Variants in TENM2 observed in about 807,000 individuals in gnomAD.
The protein encoded by TENM2 is teneurin transmembrane protein 2, also known as teneurin-2.
TENM2 carries 52 observed loss-of-function variants against 245.2 expected under a neutral mutation model. The ratio of observed to expected loss-of-function variants is 0.21; its 90% CI spans 0.17 to 0.27. The LOEUF is 0.27. Among genes scored for constraint, TENM2 ranks in the 10% least tolerant of loss-of-function variants. The pLI, the probability that TENM2 is intolerant of heterozygous loss-of-function variation, is 1.00. For synonymous variants in TENM2, 1,363 were observed against 1,438.9 expected (o/e 0.95, Z 1.19); for missense variants, 3,046 against 3,666.8 (o/e 0.83, Z 4.37).
intron 1 of TENM2, among the ~76,000 whole-genome samples, chr5:167,321,781 G>GTTTT (rs1554133753): frequency 2.6e-5 from 1 of 38,722 alleles, no homozygotes; most frequent in Non-Finnish European, 4.9e-5. Flanking sequence ...TGCTGCCTTG[G>GTTTT]CTTATTTTTT....
the TENM2 span, chr5:167,165,052 A>G: frequency 6.6e-6 from 1 of 152,198 alleles, no homozygotes; most frequent in African/African-American, 2.4e-5. Flanking sequence ...TCTCTTTACA[A>G]TGTATGCTCT....
At chr5:167,270,332 A>T in the TENM2 span, among the ~76,000 whole-genome samples, 2 of 152,160 alleles carry the variant, frequency 1.3e-5, no homozygotes, top group South Asian at 2.1e-4. Context: ...TGGTAGTAGT[A>T]ATAATTGACA....
the TENM2 span, among the ~76,000 whole-genome samples, chr5:166,996,857 T>C: frequency 6.6e-6 from 1 of 152,236 alleles, no homozygotes; most frequent in African/African-American, 2.4e-5. Flanking sequence ...GATTTGAATT[T>C]AACTTTCCAT....
At position 167,561,895 on chromosome 5, in the gene TENM2, A is replaced by G. The variant is rs117172948; in HGVS notation, c.502+186422A>G. ...TGTATACATTAGAACCGTAAAAATAAAAAGAGAGACAGAGAGACAGAGTCC... is the reference window on the plus strand; with the variant it reads ...TGTATACATTAGAACCGTAAAAATAGAAAGAGAGACAGAGAGACAGAGTCC... On this transcript the variant is annotated intron_variant, in intron 2 of 28. Transcript: ENST00000518659. Among the ~76,000 whole-genome samples, 24 of 152,338 alleles carry G rather than the reference A, an allele frequency of 1.6e-4. No individual in the cohort carries two copies. The East Asian group carries it at 4.6e-3, about 29-fold the overall frequency.
chr5:168,085,610 C>T (rs62383401), intron 7 of TENM2: 23,889 of 152,326 alleles, frequency 0.16, 2,385 homozygotes, highest in South Asian at 0.26. Flanking sequence ...CATTCCTCCC[C>T]CTTCCCTGAG....
At position 167,933,726 on chromosome 5, in the gene TENM2, G is replaced by A. The variant is rs555637527; in HGVS notation, c.713-18862G>A. 5.3e-5 allele frequency among the ~76,000 whole-genome samples: 8 copies of A among 152,070 alleles called. 1 individual carries two copies. The East Asian group carries it at 7.7e-4, about 15-fold the overall frequency. On this transcript the variant is annotated intron_variant, in intron 3 of 28. Coordinates refer to ENST00000518659, the Ensembl canonical transcript of TENM2. Reference sequence around the variant, plus strand: ...CAACTAGAGTGAGGAGCCAGGGATGGGATGGCCTGGGCTGACAATGACTTC... The same window carrying A: ...CAACTAGAGTGAGGAGCCAGGGATGAGATGGCCTGGGCTGACAATGACTTC...
chr5:167,160,699 G>C, the TENM2 span, among the ~76,000 whole-genome samples: 1 of 151,942 alleles, frequency 6.6e-6, no homozygotes, highest in African/African-American at 2.4e-5. Flanking sequence ...TTCCTCTCTG[G>C]CACTTATCAA....
At chr5:166,989,253 T>C in the TENM2 span, among the ~76,000 whole-genome samples, 1 of 31,686 alleles carries the variant, frequency 3.2e-5, no homozygotes, top group Non-Finnish European at 5.7e-5. Flanking sequence ...CAAGCTAATC[T>C]TTTTTTTTTT....
intron 2 of TENM2, among the ~76,000 whole-genome samples, chr5:167,462,817 A>G (rs1229478654): frequency 1.3e-5 from 2 of 151,934 alleles, no homozygotes; most frequent in Non-Finnish European, 2.9e-5. Context: ...CAAAAACAGG[A>G]AGGCCTGTTC....
intron 5 of TENM2, among the ~76,000 whole-genome samples, chr5:168,010,646 T>G (rs1785150192): frequency 6.6e-6 from 1 of 152,214 alleles, no homozygotes; most frequent in African/African-American, 2.4e-5. Context: ...TTTTTGTAAG[T>G]AAATGATGAT....
chr5:167,863,156 G>A (rs1054439573), intron 2 of TENM2, among the ~76,000 whole-genome samples: 6 of 152,202 alleles, frequency 3.9e-5, no homozygotes, highest in Non-Finnish European at 7.3e-5. Context: ...AATAGTAACT[G>A]CTAGATGGTA....
At chr5:167,678,764 C>A (rs898333994) in intron 2 of TENM2, among the ~76,000 whole-genome samples, 1 of 152,076 alleles carries the variant, frequency 6.6e-6, no homozygotes, top group African/African-American at 2.4e-5. Context: ...ATTTTCTTGG[C>A]TGACTTTGTC....
At chr5:167,162,118 G>A in the TENM2 span, among the ~76,000 whole-genome samples, 1 of 150,828 alleles carries the variant, frequency 6.6e-6, no homozygotes, top group Non-Finnish European at 1.5e-5. Flanking sequence ...GCAGCTGTGA[G>A]CTGAGATCAC....
intron 2 of TENM2, among the ~76,000 whole-genome samples, chr5:167,800,143 A>G (rs1257466844): frequency 6.6e-6 from 1 of 152,236 alleles, no homozygotes; most frequent in African/African-American, 2.4e-5. Context: ...TTATCTGCAC[A>G]ATGTGCATGC....
chr5:167,662,011 G>T (rs1040660257), intron 2 of TENM2, among the ~76,000 whole-genome samples: 1 of 152,172 alleles, frequency 6.6e-6, no homozygotes, highest in African/African-American at 2.4e-5. Flanking sequence ...GGCCTGATTG[G>T]CCAGGTTTGG....
At chr5:168,203,719 C>A (rs766749454) in exon 18 of TENM2, 3 of 1,612,368 alleles carry the variant, frequency 1.9e-6, no homozygotes, top group Non-Finnish European at 1.7e-6. Context: ...GAGACCTGTC[C>A]CAGTCTAATT....
Position 168,062,044 on chromosome 5 carries a change from CT to C in TENM2, c.1310-4del, listed in dbSNP as rs11411759. 0.23 allele frequency: 329,728 copies of C among 1,447,708 alleles called. 17,924 individuals are homozygous for C. Among genetic ancestry groups the C allele is most frequent in the East Asian group, 0.41 (15,849 of 38,682 alleles). 89.7% of individuals were successfully genotyped at this position (1,447,708 alleles called of 1,614,324 possible). A position where few individuals can be genotyped will look rare whatever the true frequency, so the allele number is the denominator to read the frequency against. ...ACACGTCATTGACTGCTGTTTATTC[CT>C]TTTTTTTTTTTCAGTGCCCTGGTCG... On this transcript the variant is annotated splice_polypyrimidine_tract_variant and intron_variant, in intron 6 of 28. Coordinates refer to ENST00000518659, the Ensembl canonical transcript of TENM2.
At chr5:167,191,857 C>G in the TENM2 span, among the ~76,000 whole-genome samples, 1 of 151,940 alleles carries the variant, frequency 6.6e-6, no homozygotes, top group Non-Finnish European at 1.5e-5. Context: ...TTCTCTTACT[C>G]CAATAGTACT....
intron 4 of TENM2, among the ~76,000 whole-genome samples, chr5:167,989,696 T>G (rs1181215315): frequency 1.3e-5 from 2 of 151,900 alleles, no homozygotes; most frequent in Non-Finnish European, 2.9e-5. Flanking sequence ...ACGGGGTTGG[T>G]GGGTAAGGTT....
Sources: gnomAD v4.1 joint callset for allele counts (sites outside exome capture counted in the v4.1 genomes callset) on GRCh38, gnomAD v4.1.1 for gene constraint, MANE v1.5 for transcripts, NCBI Gene and HGNC (gene_info 2026-07-23, HGNC 2026-07-21) for gene names.